The following ARMH3 variants were observed in gnomAD, a reference collection of about 807,000 sequenced individuals.
The protein encoded by ARMH3 is armadillo-like helical domain-containing protein 3.
Under a neutral mutation model 99.1 loss-of-function variants are expected in ARMH3, and 60 were observed. The ratio of observed to expected loss-of-function variants is 0.61; its 90% CI spans 0.49 to 0.75. The LOEUF (loss-of-function observed/expected upper bound fraction) is 0.75. Ranked by LOEUF, ARMH3 falls within the 30% of genes least tolerant of loss-of-function variation. ARMH3 has a pLI of 0.00. For synonymous variants in ARMH3, 285 were observed against 292.8 expected (o/e 0.97, Z 0.27); for missense variants, 679 against 843.1 (o/e 0.81, Z 2.41).
intron 20 of ARMH3, among the ~76,000 whole-genome samples, chr10:101,969,255 A>G (rs1845668629): frequency 1.3e-5 from 2 of 152,220 alleles, no homozygotes; most frequent in Non-Finnish European, 2.9e-5. Context: ...AACTCTATAT[A>G]CTATTTTTGC....
chr10:102,026,084 C>T lies in ARMH3; in HGVS notation c.415-836G>A, dbSNP rs1470241724. On this transcript the variant is annotated intron_variant, in intron 5 of 25. Transcript: ENST00000370033. ...TAACTTGCGTCCATCCTGGTCTCCG[C>T]TTGGCAATGTAATTGGAATTTATCA... Among the ~76,000 whole-genome samples, 10 of 152,304 alleles carry T rather than the reference C, an allele frequency of 6.6e-5. No homozygotes were observed. The South Asian group carries it at 2.1e-3, about 32-fold the overall frequency.
chr10:101,989,087 G>A (rs1322492207), intron 19 of ARMH3, among the ~76,000 whole-genome samples: 1 of 152,082 alleles, frequency 6.6e-6, no homozygotes, highest in African/African-American at 2.4e-5. Context: ...CAATTCTGAT[G>A]TCACACTCAA....
chr10:102,050,647 CG>C (rs2067679201), intron 1 of ARMH3, among the ~76,000 whole-genome samples: 1 of 150,222 alleles, frequency 6.7e-6, no homozygotes, highest in Admixed American at 6.6e-5. Context: ...CACTTGAGGT[CG>C]GGAGTTCGAA....
chr10:101,975,049 T>TAAAAAAACAAAAAAAAA (rs1845929673), intron 20 of ARMH3, among the ~76,000 whole-genome samples, 163 bp downstream of exon 20: 1 of 29,668 alleles, frequency 3.4e-5, no homozygotes, highest in African/African-American at 1.4e-4. Flanking sequence ...AGCTAAAACG[T>TAAAAAAACAAAAAAAAA]AAAAAAAAAA....
chr10:101,877,913 CT>C (rs986498333), intron 24 of ARMH3, among the ~76,000 whole-genome samples: 11 of 149,418 alleles, frequency 7.4e-5, no homozygotes, highest in Middle Eastern at 3.5e-3. Context: ...CATTTTTAGT[CT>C]TTTTTTTTTC....
Position 101,941,483 on chromosome 10 carries a change from C to T in ARMH3, c.1706-1545G>A, listed in dbSNP as rs114365847. On this transcript the variant is annotated intron_variant, in intron 22 of 25. Transcript: ENST00000370033. ...GAGTACCATCACTATGTACGCCTGA[C>T]CAAGATTCTGAAGAGCTGCAGCAGA... Among the ~76,000 whole-genome samples, 1,423 of 152,282 alleles carry T rather than the reference C, an allele frequency of 9.3e-3. 18 individuals are homozygous for T. Among genetic ancestry groups the T allele is most frequent in the African/African-American group, 0.033 (1,351 of 41,554 alleles).
chr10:101,898,694 A>G (rs1012889674), intron 23 of ARMH3, among the ~76,000 whole-genome samples: 6 of 152,360 alleles, frequency 3.9e-5, no homozygotes, highest in African/African-American at 9.6e-5. Flanking sequence ...ACGCGCACAC[A>G]CACACACACA....
At chr10:101,851,028 C>T (rs2066588167) in intron 24 of ARMH3, among the ~76,000 whole-genome samples, 2 of 152,212 alleles carry the variant, frequency 1.3e-5, no homozygotes, top group Admixed American at 6.5e-5. Flanking sequence ...GTTTTCATTG[C>T]TCAGTGCCAA....
intron 23 of ARMH3, among the ~76,000 whole-genome samples, chr10:101,901,129 TGGA>T (rs780205258): frequency 1.3e-5 from 2 of 150,754 alleles, no homozygotes; most frequent in Non-Finnish European, 3.0e-5. Flanking sequence ...ACCTCAGTGG[TGGA>T]GGAGGAGGAT....
rs1008384387 is a variant in ARMH3, at chr10:101,973,844, A to G, written c.1495+1368T>C. Among the ~76,000 whole-genome samples the G allele has an allele frequency of 6.6e-5, 10 of 152,348 alleles. No homozygotes were observed. In the East Asian group the frequency reaches 9.6e-4, roughly 15 times the overall value. On this transcript the variant is annotated intron_variant, in intron 20 of 25. Coordinates refer to ENST00000370033, the MANE Select transcript of ARMH3 (RefSeq NM_024541.3). ...TTCATTCAAGTTATAGACATAAACC[A>G]TGTGTACTTATTATAAATCCAACAA...
chr10:101,869,179 G>C (rs772864764), intron 24 of ARMH3, among the ~76,000 whole-genome samples: 4 of 152,112 alleles, frequency 2.6e-5, no homozygotes, highest in Non-Finnish European at 5.9e-5. Context: ...GGGGGCCAGT[G>C]CCTCTAACTT....
intron 20 of ARMH3, among the ~76,000 whole-genome samples, chr10:101,965,878 C>T (rs535849262): frequency 6.6e-6 from 1 of 152,266 alleles, no homozygotes; most frequent in South Asian, 2.1e-4. Context: ...CAGCTTCAGC[C>T]CATGTTCCCT....
chr10:101,997,953 G>A (rs1031077560), intron 15 of ARMH3, among the ~76,000 whole-genome samples: 3 of 152,174 alleles, frequency 2.0e-5, no homozygotes, highest in Middle Eastern at 3.2e-3. Context: ...GGCTGAGGCA[G>A]GAAGAAAGCT....
At chr10:101,985,591 G>A (rs1173318734) in intron 19 of ARMH3, among the ~76,000 whole-genome samples, 1 of 151,902 alleles carries the variant, frequency 6.6e-6, no homozygotes, top group Non-Finnish European at 1.5e-5. Flanking sequence ...GTGCAAGCCT[G>A]TAGTCCTAGT....
intron 24 of ARMH3, among the ~76,000 whole-genome samples, chr10:101,887,862 T>C (rs2067590786): frequency 6.6e-6 from 1 of 152,102 alleles, no homozygotes; most frequent in Non-Finnish European, 1.5e-5. Context: ...ACTTTCATCA[T>C]TTCATTTAAC....
At chr10:101,966,771 T>C (rs11191161) in intron 20 of ARMH3, among the ~76,000 whole-genome samples, 19,481 of 152,070 alleles carry the variant, frequency 0.13, 1,607 homozygotes, top group Non-Finnish European at 0.18. Flanking sequence ...CATGTAGCAG[T>C]AGAATGAATA....
chr10:101,964,436 T>C (rs1460908060), intron 20 of ARMH3, among the ~76,000 whole-genome samples: 2 of 152,194 alleles, frequency 1.3e-5, no homozygotes, highest in Admixed American at 1.3e-4. Context: ...CACCCATGTT[T>C]ACAGCAGCAT....
intron 23 of ARMH3, among the ~76,000 whole-genome samples, chr10:101,897,873 A>C (rs1380282616): frequency 5.9e-5 from 9 of 152,170 alleles, no homozygotes. Flanking sequence ...AAGCAAAATG[A>C]AGTGGATAGA....
chr10:102,011,702 A>G (rs1378045359), intron 11 of ARMH3, 21 bp downstream of exon 11: 2 of 1,548,828 alleles, frequency 1.3e-6, no homozygotes, highest in Non-Finnish European at 8.7e-7. Context: ...TTTCAGGAGA[A>G]AAAAAAAAAG....
Sources: allele counts gnomAD v4.1 joint callset (sites outside exome capture counted in the v4.1 genomes callset), GRCh38; gene constraint gnomAD v4.1.1; transcripts MANE v1.5; gene names NCBI Gene and HGNC (gene_info 2026-07-23, HGNC 2026-07-21).